The following NALF2 variants were observed in gnomAD, a reference collection of about 807,000 sequenced individuals.
NALF2 encodes NALCN channel auxiliary factor 2, also known as bB57D9.1 (TED protein).
In NALF2, 1 loss-of-function variant was observed where a neutral mutation model predicts 24.8. That is an observed-to-expected ratio of 0.04 (90% CI 0.01 to 0.19). The LOEUF is 0.19. Ranked by LOEUF, NALF2 falls within the 10% of genes least tolerant of loss-of-function variation. The probability of loss-of-function intolerance (pLI) is 1.00; values close to 1 mark genes in which losing one functional copy is unlikely to be tolerated. For missense variants in NALF2, 458 were observed against 409.6 expected (o/e 1.12, Z -1.02); for synonymous variants, 254 against 189.8 (o/e 1.34, Z -2.78).
chrX:69,505,270 A>G lies in NALF2; in HGVS notation c.-13A>G. 8.8e-7 allele frequency: 1 copy of G among 1,133,361 alleles called. No homozygotes were observed. The highest frequency in any genetic ancestry group is 1.9e-5 in the African/African-American group (1 of 52,823). The allele number at this position is 1,133,361 out of a possible 1,213,427, so 93.4% of individuals were successfully genotyped here. The stretch of plus-strand genomic sequence containing the variant: ...CGCCTGCCTGTTCCCTCCAGCCCGG[A>G]CCCCCCTGAAATATGTTCAGGGGCG... On this transcript the variant is annotated 5_prime_UTR_variant, in exon 1 of 3. Coordinates refer to ENST00000252338, the MANE Select transcript of NALF2 (RefSeq NM_015686.3).
intron 1 of NALF2, among the ~76,000 whole-genome samples, chrX:69,518,129 T>C (rs1054851063): frequency 5.4e-5 from 6 of 111,701 alleles, no homozygotes; most frequent in African/African-American, 2.0e-4. Context: ...TAGTCCTCTG[T>C]GTGGCTATGG....
At chrX:69,518,168 A>G (rs1233063803) in intron 1 of NALF2, among the ~76,000 whole-genome samples, 1 of 111,132 alleles carries the variant, frequency 9.0e-6, no homozygotes, top group African/African-American at 3.3e-5. Context: ...TTGTCCTGAT[A>G]AATTTACCAT....
chrX:69,512,046 C>A (rs1211151988), intron 1 of NALF2, among the ~76,000 whole-genome samples: 1 of 111,585 alleles, frequency 9.0e-6, no homozygotes, highest in Non-Finnish European at 1.9e-5. Flanking sequence ...GACTGGGCAT[C>A]AAACCTGCCC....
At chrX:69,511,639 T>C (rs1930585973) in intron 1 of NALF2, among the ~76,000 whole-genome samples, 1 of 111,445 alleles carries the variant, frequency 9.0e-6, no homozygotes, top group Admixed American at 9.5e-5. Context: ...CACTGGTATC[T>C]CCTGAAGGTG....
At chrX:69,510,279 CAA>C (rs780840401) in intron 1 of NALF2, among the ~76,000 whole-genome samples, 1 of 112,167 alleles carries the variant, frequency 8.9e-6, no homozygotes, top group African/African-American at 3.2e-5. Context: ...AACGCCCACA[CAA>C]AGAGAGGGGG....
intron 1 of NALF2, among the ~76,000 whole-genome samples, chrX:69,517,196 T>C (rs1930674539): frequency 8.9e-6 from 1 of 112,037 alleles, no homozygotes; most frequent in African/African-American, 3.2e-5. Context: ...ACATATTCTT[T>C]AATCTCTATT....
At chrX:69,524,154 A>G (rs138607978) in intron 1 of NALF2, among the ~76,000 whole-genome samples, 1,056 of 103,951 alleles carry the variant, frequency 0.01, 16 homozygotes, top group South Asian at 0.043. Flanking sequence ...TTGGAGTGCA[A>G]TGGTGTGATC....
rs1930438364 is a variant in NALF2 at position 69,505,182 on chromosome X, G to A, written c.-101G>A. On this transcript the variant is annotated 5_prime_UTR_variant, in exon 1 of 3. Transcript: ENST00000252338. ...CATGCAGCCCCCGAGGTAGAGCCTG[G>A]ACGGCGCCGAGGAGCGCAGAGCGGC... 3 of 867,194 alleles carry A rather than the reference G, an allele frequency of 3.5e-6. No individual in the cohort carries two copies. Among genetic ancestry groups the A allele is most frequent in the East Asian group, 4.2e-5 (1 of 23,555 alleles). The allele number at this position is 867,194 out of a possible 1,213,427, so 71.5% of individuals were successfully genotyped here.
chrX:69,520,751 A>G (rs920769802), intron 1 of NALF2, among the ~76,000 whole-genome samples: 1 of 112,133 alleles, frequency 8.9e-6, no homozygotes, highest in African/African-American at 3.2e-5. Context: ...AAGCTTGGTC[A>G]TCATCCTGGA....
rs1930408194 is a variant in NALF2 at position 69,504,339 on chromosome X, C to G, written c.-944C>G. ...GCAGTCGGGGCACCAGTCCCGCTCC[C>G]TCCTCCTCTCCGTGCCTCTTTCTCC... is the stretch of plus-strand genomic sequence containing the variant. On this transcript the variant is annotated 5_prime_UTR_variant, in exon 1 of 3. Coordinates refer to ENST00000252338, the MANE Select transcript of NALF2 (RefSeq NM_015686.3). Among the ~76,000 whole-genome samples, 1 of 112,650 alleles carries G rather than the reference C, an allele frequency of 8.9e-6. No individual in the cohort carries two copies. The highest frequency in any genetic ancestry group is 3.2e-5 in the African/African-American group (1 of 31,068).
chrX:69,505,277 T>C lies in NALF2; in HGVS notation c.-6T>C, dbSNP rs775389837. ...CTGTTCCCTCCAGCCCGGACCCCCC[T>C]GAAATATGTTCAGGGGCGCTTGGAT... is the stretch of plus-strand genomic sequence containing the variant. On this transcript the variant is annotated 5_prime_UTR_variant, in exon 1 of 3. Transcript: ENST00000252338. 2 of 1,142,225 alleles carry C rather than the reference T, an allele frequency of 1.8e-6. No homozygotes were observed. The highest frequency in any genetic ancestry group is 2.0e-5 in the South Asian group (1 of 49,976). 94.1% of individuals were successfully genotyped at this position (1,142,225 alleles called of 1,213,427 possible). A position where few individuals can be genotyped will look rare whatever the true frequency, so the allele number is the denominator to read the frequency against.
At chrX:69,525,001 G>A (rs1930786099) in intron 1 of NALF2, among the ~76,000 whole-genome samples, 1 of 111,627 alleles carries the variant, frequency 9.0e-6, no homozygotes, top group African/African-American at 3.3e-5. Flanking sequence ...CTCTGGCTGG[G>A]GGTGTGGGGA....
intron 1 of NALF2, among the ~76,000 whole-genome samples, chrX:69,518,559 G>GT (rs912683465): frequency 9.1e-6 from 1 of 110,090 alleles, no homozygotes; most frequent in African/African-American, 3.3e-5. Context: ...GCTATTTCTT[G>GT]TTTTTTTCTG....
intron 1 of NALF2, among the ~76,000 whole-genome samples, chrX:69,527,733 A>T (rs1930827808): frequency 8.9e-6 from 1 of 112,027 alleles, no homozygotes; most frequent in African/African-American, 3.3e-5. Context: ...GTGGGTGGCA[A>T]GACAGGAACA....
At position 69,505,909 on chromosome X, in the gene NALF2, G is replaced by A. The variant is rs756307961; in HGVS notation, c.627G>A (p.Leu209=). ...CCTACACGGTCTGGGACTTGCTGCT[G>A]GGCATGGACCGCCCCGACAGCCTGG... is the stretch of plus-strand genomic sequence containing the variant. The part of the protein sequence containing the change: ...CDTYTVWDLL[L]GMDRPDSLDC... The change falls in exon 1 of 3, where the codon CTG becomes CTA. Residue 209 remains leucine (L), a synonymous_variant. Coordinates refer to ENST00000252338, the MANE Select transcript of NALF2 (RefSeq NM_015686.3). 8.3e-7 allele frequency: 1 copy of A among 1,211,728 alleles called. No individual in the cohort carries two copies. The highest frequency in any genetic ancestry group is 3.0e-5 in the East Asian group (1 of 33,791).
chrX:69,530,010 C>A lies in NALF2; in HGVS notation c.*54C>A. 1.0e-6 allele frequency: 1 copy of A among 995,675 alleles called. No homozygotes were observed. The highest frequency in any genetic ancestry group is 2.4e-5 in the South Asian group (1 of 41,989). The allele number at this position is 995,675 out of a possible 1,213,427, so 82.1% of individuals were successfully genotyped here. On this transcript the variant is annotated 3_prime_UTR_variant, in exon 3 of 3. Transcript: ENST00000252338. ...ACACTGACATCAGCTCCAGCTCCCC[C>A]AGGTTGGGGGGGAGGGGGCTCCTCC...
rs1490882199 is a variant in NALF2 at position 69,505,865 on chromosome X, A to T, written c.583A>T (p.Thr195Ser). The T allele has an allele frequency of 1.7e-6, 2 of 1,205,478 alleles. No individual in the cohort carries two copies. The highest frequency in any genetic ancestry group is 2.2e-6 in the Non-Finnish European group (2 of 893,840). The change falls in exon 1 of 3, where the codon ACT becomes TCT. Residue 195 changes from threonine (T) to serine (S), a missense_variant. By Grantham distance (58) the Thr-to-Ser change is moderately conservative. Transcript: ENST00000252338. ...NLLKGHFRNF[T>S]LSFCDTYTVW... Reference sequence around the variant, plus strand: ...GCTCAAAGGCCACTTTCGGAACTTCACTCTCTCCTTTTGCGACACCTACAC... The same window carrying T: ...GCTCAAAGGCCACTTTCGGAACTTCTCTCTCTCCTTTTGCGACACCTACAC...
chrX:69,516,329 T>C (rs1930660901), intron 1 of NALF2, among the ~76,000 whole-genome samples: 1 of 112,111 alleles, frequency 8.9e-6, no homozygotes, highest in Non-Finnish European at 1.9e-5. Context: ...TTTCTCACAG[T>C]CACCAGAAAG....
intron 1 of NALF2, among the ~76,000 whole-genome samples, chrX:69,525,820 C>T (rs1156663075): frequency 9.3e-6 from 1 of 107,941 alleles, no homozygotes; most frequent in Non-Finnish European, 1.9e-5. Flanking sequence ...ATTCCTTACC[C>T]TCTCTTTGCT....
Sources: allele counts gnomAD v4.1 joint callset (sites outside exome capture counted in the v4.1 genomes callset), GRCh38; gene constraint gnomAD v4.1.1; transcripts MANE v1.5; gene names NCBI Gene and HGNC (gene_info 2026-07-23, HGNC 2026-07-21).